MEGF10: variants seen among roughly 807,000 people sequenced by gnomAD.
MEGF10 encodes the protein multiple EGF like domains 10.
A neutral mutation model predicts 147.5 loss-of-function variants in MEGF10; 86 were observed. The observed-to-expected ratio is 0.58, with a 90% CI of 0.49 to 0.70. The LOEUF is 0.70. MEGF10 is among the 30% of genes least tolerant of loss of function. MEGF10 has a pLI of 0.00. For synonymous variants in MEGF10, 478 were observed against 525.5 expected (o/e 0.91, Z 1.24); for missense variants, 1,329 against 1,487.3 (o/e 0.89, Z 1.75).
intron 4 of MEGF10, among the ~76,000 whole-genome samples, chr5:127,354,629 G>A (rs758256075): frequency 3.3e-5 from 5 of 152,120 alleles, no homozygotes; most frequent in Admixed American, 2.0e-4. Flanking sequence ...AGTATCCTGT[G>A]GCATTCTGGA....
At chr5:127,373,446 C>T (rs1025193467) in intron 5 of MEGF10, among the ~76,000 whole-genome samples, 2 of 152,188 alleles carry the variant, frequency 1.3e-5, no homozygotes, top group Non-Finnish European at 2.9e-5. Context: ...GCCACTGCGC[C>T]CAACCCATTG....
At chr5:127,287,425 C>G (rs773527217), upstream of MEGF10, among the ~76,000 whole-genome samples, 4 of 151,928 alleles carry the variant, frequency 2.6e-5, no homozygotes, top group Non-Finnish European at 4.4e-5. Flanking sequence ...CAAAATTCCA[C>G]TGTATTTCTC....
intron 4 of MEGF10, among the ~76,000 whole-genome samples, chr5:127,349,434 A>G (rs1331003358): frequency 6.6e-6 from 1 of 152,136 alleles, no homozygotes; most frequent in Non-Finnish European, 1.5e-5. Context: ...ATTTTTGTGC[A>G]ACATATCTTT....
rs1469186277 is a variant in MEGF10, at chr5:127,340,649, C to T, written c.319+19C>T. 6.3e-7 allele frequency: 1 copy of T among 1,599,438 alleles called. No individual in the cohort carries two copies. Among genetic ancestry groups the T allele is most frequent in the South Asian group, 1.1e-5 (1 of 90,624 alleles). On this transcript the variant is annotated intron_variant, in intron 4 of 24. Transcript: ENST00000503335. ...TGTGTCCGTAAGTAAGACTGTCACC[C>T]CTTTGAGATTCGCTAGTTTTTCCCA...
intron 1 of MEGF10, among the ~76,000 whole-genome samples, chr5:127,308,049 G>A (rs1485662351): frequency 3.3e-5 from 5 of 152,202 alleles, no homozygotes; most frequent in Non-Finnish European, 5.9e-5. Context: ...GAAGTGCAGC[G>A]TGACTTGATC....
At chr5:127,316,530 C>T (rs1561566193) in intron 1 of MEGF10, among the ~76,000 whole-genome samples, 1 of 152,140 alleles carries the variant, frequency 6.6e-6, no homozygotes, top group Non-Finnish European at 1.5e-5. Flanking sequence ...ACTGGTATTG[C>T]AATCATTTTG....
the MEGF10 span, among the ~76,000 whole-genome samples, chr5:127,244,193 T>C: frequency 2.5e-5 from 1 of 40,780 alleles, no homozygotes; most frequent in African/African-American, 1.4e-4. Context: ...AGAAACTCTG[T>C]CCAAAAAAAA....
At chr5:127,287,837 T>C (rs769273217), upstream of MEGF10, among the ~76,000 whole-genome samples, 8 of 152,014 alleles carry the variant, frequency 5.3e-5, no homozygotes, top group Non-Finnish European at 1.0e-4. Context: ...TACATCTAAG[T>C]TGGAGTCCTA....
intron 1 of MEGF10, among the ~76,000 whole-genome samples, chr5:127,314,577 G>T (rs960296586): frequency 1.1e-4 from 17 of 152,154 alleles, no homozygotes; most frequent in Admixed American, 4.6e-4. Flanking sequence ...TCTTGGATGA[G>T]AAAATAAATT....
At chr5:127,454,374 G>A (rs1427012569) in intron 22 of MEGF10, among the ~76,000 whole-genome samples, 192 bp from the exon 23 acceptor site, 3 of 152,138 alleles carry the variant, frequency 2.0e-5, no homozygotes, top group African/African-American at 7.2e-5. Flanking sequence ...CTAGGTGAAT[G>A]ACCAAATGTG....
the MEGF10 span, among the ~76,000 whole-genome samples, chr5:127,283,237 T>G: frequency 6.6e-6 from 1 of 152,250 alleles, no homozygotes; most frequent in Non-Finnish European, 1.5e-5. Context: ...AGTCAACTTT[T>G]GCAACTTTCT....
chr5:127,310,019 T>TCC (rs1561562177), intron 1 of MEGF10, among the ~76,000 whole-genome samples: 1,148 of 58,024 alleles, frequency 0.02, 314 homozygotes, highest in Non-Finnish European at 0.032. Context: ...CCTTTCTTTT[T>TCC]TTCTTTCTTT....
At chr5:127,439,622 A>G (rs1275222486) in intron 17 of MEGF10, among the ~76,000 whole-genome samples, 2 of 152,254 alleles carry the variant, frequency 1.3e-5, no homozygotes, top group Admixed American at 6.5e-5. Flanking sequence ...GATATTATTT[A>G]TAATTCTAAA....
intron 5 of MEGF10, among the ~76,000 whole-genome samples, chr5:127,375,789 T>A (rs1233454643): frequency 6.6e-6 from 1 of 152,220 alleles, no homozygotes; most frequent in Non-Finnish European, 1.5e-5. Context: ...GTGCCTGGCA[T>A]GTGGTTGGAG....
chr5:127,309,947 C>CTCTTTCCTTTCTTTCTT (rs1554088995), intron 1 of MEGF10, among the ~76,000 whole-genome samples: 2 of 90,396 alleles, frequency 2.2e-5, no homozygotes, highest in Non-Finnish European at 4.6e-5. Flanking sequence ...TCCTTGCCAA[C>CTCTTTCCTTTCTTTCTT]TCTTTCTTTC....
chr5:127,396,979 C>T (rs777154857), intron 6 of MEGF10, among the ~76,000 whole-genome samples: 4 of 152,122 alleles, frequency 2.6e-5, no homozygotes, highest in Non-Finnish European at 4.4e-5. Flanking sequence ...CACATCAGAT[C>T]CCAGCCTGAA....
At chr5:127,373,240 C>T (rs1459193055) in intron 5 of MEGF10, among the ~76,000 whole-genome samples, 1 of 152,184 alleles carries the variant, frequency 6.6e-6, no homozygotes, top group East Asian at 1.9e-4. Context: ...CAACCTCTGC[C>T]TCCTGGGTTC....
At chr5:127,451,669 G>C (rs143597709) in intron 22 of MEGF10, among the ~76,000 whole-genome samples, 313 of 152,302 alleles carry the variant, frequency 2.1e-3, no homozygotes, top group African/African-American at 7.2e-3. Flanking sequence ...TCACTGTACT[G>C]GTCACATGTA....
the MEGF10 span, among the ~76,000 whole-genome samples, chr5:127,261,762 CTTA>C: frequency 6.6e-6 from 1 of 152,028 alleles, no homozygotes; most frequent in African/African-American, 2.4e-5. Flanking sequence ...ACTGGCAGTT[CTTA>C]TTATCTGTTT....
Sources: allele counts gnomAD v4.1 joint callset (sites outside exome capture counted in the v4.1 genomes callset), GRCh38; gene constraint gnomAD v4.1.1; transcripts MANE v1.5; gene names NCBI Gene and HGNC (gene_info 2026-07-23, HGNC 2026-07-21).